Variants in PTPRM observed in about 807,000 individuals in gnomAD.
PTPRM encodes the protein protein tyrosine phosphatase receptor type M, also known as receptor-type tyrosine-protein phosphatase mu.
Under a neutral mutation model 186.7 loss-of-function variants are expected in PTPRM, and 47 were observed. The observed-to-expected ratio is 0.25, with a 90% CI of 0.20 to 0.32. The LOEUF (loss-of-function observed/expected upper bound fraction) is 0.32, where lower values mean the gene tolerates loss of function less well. PTPRM is among the 10% of genes least tolerant of loss of function. PTPRM has a pLI of 1.00. For synonymous variants in PTPRM, 668 were observed against 674.9 expected (o/e 0.99, Z 0.16); for missense variants, 1,494 against 1,865.0 (o/e 0.80, Z 3.66).
chr18:7,899,273 G>T (rs1744624006), intron 3 of PTPRM, among the ~76,000 whole-genome samples: 1 of 152,194 alleles, frequency 6.6e-6, no homozygotes. Context: ...ACAGAACATT[G>T]CCCTGCCTGA....
intron 14 of PTPRM, among the ~76,000 whole-genome samples, chr18:8,217,973 G>A (rs909849638): frequency 2.6e-5 from 4 of 152,070 alleles, no homozygotes; most frequent in Non-Finnish European, 5.9e-5. Flanking sequence ...AATATGTTTT[G>A]AAAGAAATTG....
chr18:8,135,791 A>G (rs1039739630), intron 13 of PTPRM, among the ~76,000 whole-genome samples: 1 of 152,188 alleles, frequency 6.6e-6, no homozygotes, highest in African/African-American at 2.4e-5. Context: ...GCCCTGTGAA[A>G]GTCATGTCAC....
intron 14 of PTPRM, chr18:8,154,800 CCT>C (rs1344153583): frequency 3.3e-5 from 5 of 152,170 alleles, no homozygotes; most frequent in Non-Finnish European, 1.5e-5. Flanking sequence ...GTTTTACAAA[CCT>C]ATCACAAAGC....
At chr18:8,237,537 C>T (rs2094360805) in intron 14 of PTPRM, among the ~76,000 whole-genome samples, 1 of 149,356 alleles carries the variant, frequency 6.7e-6, no homozygotes, top group African/African-American at 2.5e-5. Flanking sequence ...CAACCTCAAC[C>T]TCCCGGGTTC....
At chr18:7,915,813 C>T (rs776501296) in intron 4 of PTPRM, among the ~76,000 whole-genome samples, 3 of 152,146 alleles carry the variant, frequency 2.0e-5, no homozygotes, top group Non-Finnish European at 4.4e-5. Context: ...AAGCTGCTTG[C>T]CACCTGAAAA....
At chr18:7,808,017 A>G (rs2044321410) in intron 2 of PTPRM, among the ~76,000 whole-genome samples, 1 of 152,140 alleles carries the variant, frequency 6.6e-6, no homozygotes, top group Non-Finnish European at 1.5e-5. Flanking sequence ...TCCAAGGAAG[A>G]CGAGTGTTCC....
chr18:8,083,383 C>T (rs113445697), intron 9 of PTPRM, among the ~76,000 whole-genome samples: 5 of 152,200 alleles, frequency 3.3e-5, no homozygotes, highest in African/African-American at 1.2e-4. Flanking sequence ...CACTCACTCC[C>T]GCTTCACTGC....
chr18:8,239,101 C>T (rs566397078), intron 14 of PTPRM, among the ~76,000 whole-genome samples: 7 of 147,514 alleles, frequency 4.7e-5, no homozygotes, highest in African/African-American at 1.8e-4. Flanking sequence ...CCCATTAACT[C>T]GTCATTTAGC....
At position 8,143,678 on chromosome 18, in the gene PTPRM, C is replaced by T. The variant is rs75828245; in HGVS notation, c.2199C>T (p.Pro733=). 26 of 1,607,196 alleles carry T rather than the reference C, an allele frequency of 1.6e-5. No homozygotes were observed. Among genetic ancestry groups the T allele is most frequent in the African/African-American group, 5.3e-5 (4 of 74,830 alleles). ...CCACTCCGAAACCAGTCCCAGAACC[C>T]GAGAAACAGACAGACCATACAGTTA... ...GAATPKPVPE[P]EKQTDHTVKI... The change falls in exon 14 of 33, where the codon CCC becomes CCT. Residue 733 remains proline (P), a synonymous_variant. Coordinates refer to ENST00000580170, the MANE Select transcript of PTPRM (RefSeq NM_001105244.2).
chr18:8,079,279 C>T (rs771432869), intron 9 of PTPRM, among the ~76,000 whole-genome samples: 6 of 152,130 alleles, frequency 3.9e-5, no homozygotes, highest in Non-Finnish European at 7.4e-5. Flanking sequence ...TTACCCTCCA[C>T]CTCAGTCATT....
At chr18:8,117,397 T>C (rs2091996611) in intron 13 of PTPRM, among the ~76,000 whole-genome samples, 1 of 152,210 alleles carries the variant, frequency 6.6e-6, no homozygotes, top group Admixed American at 6.5e-5. Context: ...GAAACAACTG[T>C]TGACAAGTAT....
At chr18:7,983,455 CCAGA>C (rs1309414443) in intron 7 of PTPRM, among the ~76,000 whole-genome samples, 7 of 152,120 alleles carry the variant, frequency 4.6e-5, no homozygotes, top group Admixed American at 2.0e-4. Flanking sequence ...GTTTTACTCA[CCAGA>C]CAGAGTCTTT....
chr18:7,686,938 T>A (rs1871909354), intron 1 of PTPRM, among the ~76,000 whole-genome samples: 1 of 152,156 alleles, frequency 6.6e-6, no homozygotes, highest in Non-Finnish European at 1.5e-5. Context: ...AGAAAGCTCC[T>A]GAAAGAAGTA....
chr18:7,925,928 A>G (rs1007182798), intron 4 of PTPRM, among the ~76,000 whole-genome samples: 2 of 152,218 alleles, frequency 1.3e-5, no homozygotes, highest in Admixed American at 6.5e-5. Flanking sequence ...TTACGAGACA[A>G]TGGTGTTCAC....
chr18:7,587,379 A>G (rs2037006654), intron 1 of PTPRM, among the ~76,000 whole-genome samples: 1 of 151,484 alleles, frequency 6.6e-6, no homozygotes, highest in Non-Finnish European at 1.5e-5. Context: ...ACTTCTTTGA[A>G]TTTCTTTTTC....
At chr18:7,679,644 G>A (rs931714337) in intron 1 of PTPRM, among the ~76,000 whole-genome samples, 4 of 152,064 alleles carry the variant, frequency 2.6e-5, no homozygotes, top group Admixed American at 6.5e-5. Context: ...CAGCCTCGGC[G>A]ACAGAGTGAG....
intron 13 of PTPRM, among the ~76,000 whole-genome samples, chr18:8,134,669 CTT>C (rs1290238622): frequency 6.6e-6 from 1 of 152,188 alleles, no homozygotes; most frequent in Non-Finnish European, 1.5e-5. Flanking sequence ...CCTTTCTCCT[CTT>C]GTTTTTCTTT....
chr18:8,020,627 G>A (rs1383742022), intron 7 of PTPRM, among the ~76,000 whole-genome samples: 2 of 152,158 alleles, frequency 1.3e-5, no homozygotes, highest in East Asian at 1.9e-4. Context: ...TTAATCAGCT[G>A]CCTCACTTCC....
chr18:8,143,591 C>A, intron 13 of PTPRM, 56 bp from the exon 14 acceptor site: 1 of 1,519,242 alleles, frequency 6.6e-7, no homozygotes, highest in South Asian at 1.2e-5. Flanking sequence ...TAAACTGTGG[C>A]ATCTTTATTC....
Sources: gnomAD v4.1 joint callset for allele counts (sites outside exome capture counted in the v4.1 genomes callset) on GRCh38, gnomAD v4.1.1 for gene constraint, MANE v1.5 for transcripts, NCBI Gene and HGNC (gene_info 2026-07-23, HGNC 2026-07-21) for gene names.